Variants in ADK observed in about 807,000 individuals in gnomAD.
ADK encodes N6,N6-dimethyladenosine kinase.
Under a neutral mutation model 44.7 loss-of-function variants are expected in ADK, and 24 were observed. That is an observed-to-expected ratio of 0.54 (90% CI 0.39 to 0.76). The LOEUF is 0.76. Ranked by LOEUF, ADK falls within the 30% of genes least tolerant of loss-of-function variation. The probability of loss-of-function intolerance (pLI) is 0.00; values close to 1 mark genes in which losing one functional copy is unlikely to be tolerated. For synonymous variants in ADK, 128 were observed against 142.6 expected, an observed-to-expected ratio of 0.90 and a Z score of 0.73; for missense variants, 321 against 425.1, an observed-to-expected ratio of 0.76 and a Z score of 2.15.
chr10:74,269,134 T>G (rs1234704122), intron 3 of ADK, among the ~76,000 whole-genome samples: 1 of 152,192 alleles, frequency 6.6e-6, no homozygotes, highest in Non-Finnish European at 1.5e-5. Context: ...TTGCTTGTAT[T>G]TATCATAATT....
At chr10:74,259,651 G>T (rs369165336) in intron 3 of ADK, among the ~76,000 whole-genome samples, 10 of 151,704 alleles carry the variant, frequency 6.6e-5, no homozygotes, top group African/African-American at 2.2e-4. Context: ...TAGAGACGGG[G>T]TTTCACCATG....
intron 9 of ADK, among the ~76,000 whole-genome samples, chr10:74,617,862 G>T (rs1016208498): frequency 3.9e-5 from 6 of 152,166 alleles, no homozygotes; most frequent in Non-Finnish European, 7.4e-5. Context: ...ATAGTGCGGG[G>T]ATTACAGGTG....
chr10:74,338,522 C>T (rs1841484412), intron 4 of ADK, among the ~76,000 whole-genome samples: 1 of 152,134 alleles, frequency 6.6e-6, no homozygotes, highest in African/African-American at 2.4e-5. Flanking sequence ...ATCCAGATAA[C>T]TTTCAACAGG....
intron 6 of ADK, among the ~76,000 whole-genome samples, chr10:74,428,937 A>G (rs1449351395): frequency 1.3e-5 from 2 of 152,244 alleles, no homozygotes; most frequent in South Asian, 2.1e-4. Context: ...TTTCTGGCCC[A>G]GAATGCATCT....
intron 4 of ADK, among the ~76,000 whole-genome samples, chr10:74,349,851 C>T (rs1841907253): frequency 6.6e-6 from 1 of 152,094 alleles, no homozygotes; most frequent in Non-Finnish European, 1.5e-5. Flanking sequence ...GGGATCAATG[C>T]AACAAGAAGA....
chr10:74,306,135 C>T (rs1485102973), intron 3 of ADK, among the ~76,000 whole-genome samples: 1 of 150,846 alleles, frequency 6.6e-6, no homozygotes, highest in Non-Finnish European at 1.5e-5. Context: ...AGTCTTTTTT[C>T]ATTTTTTAAA....
intron 6 of ADK, among the ~76,000 whole-genome samples, chr10:74,476,662 C>T (rs1271336790): frequency 2.6e-5 from 4 of 152,150 alleles, no homozygotes; most frequent in Non-Finnish European, 2.9e-5. Context: ...AAGTTTATTT[C>T]ATACATATTT....
At chr10:74,338,586 A>G (rs1014568607) in intron 4 of ADK, among the ~76,000 whole-genome samples, 4 of 152,244 alleles carry the variant, frequency 2.6e-5, no homozygotes, top group African/African-American at 9.6e-5. Flanking sequence ...CAAGCTTTGT[A>G]AAAGAATAAA....
At chr10:74,380,470 GTTC>G (rs1192285107) in intron 4 of ADK, among the ~76,000 whole-genome samples, 1 of 152,050 alleles carries the variant, frequency 6.6e-6, no homozygotes, top group Non-Finnish European at 1.5e-5. Context: ...GAGAAGAATA[GTTC>G]TTCTCCGGGC....
At chr10:74,681,549 A>C (rs766561528) in intron 10 of ADK, among the ~76,000 whole-genome samples, 1 of 152,190 alleles carries the variant, frequency 6.6e-6, no homozygotes, top group South Asian at 2.1e-4. Context: ...AATCCAAATG[A>C]AAGTTGTCAG....
intron 6 of ADK, among the ~76,000 whole-genome samples, chr10:74,417,020 T>A (rs1242744509): frequency 6.6e-6 from 1 of 152,098 alleles, no homozygotes; most frequent in Non-Finnish European, 1.5e-5. Flanking sequence ...AATATTTTAC[T>A]TACTAAAGTC....
At chr10:74,176,992 C>A in intron 1 of ADK, 1 of 1,477,464 alleles carries the variant, frequency 6.8e-7, no homozygotes, top group Non-Finnish European at 9.2e-7. Context: ...CTGCCTCCGC[C>A]TCTGGTCCCC....
intron 10 of ADK, among the ~76,000 whole-genome samples, chr10:74,674,891 A>AATTC: frequency 6.6e-6 from 1 of 151,620 alleles, no homozygotes; most frequent in Admixed American, 6.6e-5. Flanking sequence ...CAAAAAAATT[A>AATTC]ATTAATTAAT....
At chr10:74,576,645 T>G (rs988458250) in intron 7 of ADK, among the ~76,000 whole-genome samples, 1 of 152,152 alleles carries the variant, frequency 6.6e-6, no homozygotes, top group Admixed American at 6.5e-5. Flanking sequence ...ATTTGTAGTA[T>G]TATTTATCAT....
Position 74,279,018 on chromosome 10 carries a change from C to T in ADK, c.195-35649C>T, listed in dbSNP as rs1192156155. Among the ~76,000 whole-genome samples the T allele has an allele frequency of 3.9e-5, 6 of 152,292 alleles. No homozygotes were observed. The East Asian group carries it at 5.8e-4, about 15-fold the overall frequency. ...GAGGCCAGCTGGGCGCGGTGGCTCA[C>T]GCCTGTAATCCCAGCACTTTGGGAG... On this transcript the variant is annotated intron_variant, in intron 3 of 10. Coordinates refer to ENST00000539909, the MANE Select transcript of ADK (RefSeq NM_006721.4).
chr10:74,652,023 A>C (rs1854291113), intron 9 of ADK, among the ~76,000 whole-genome samples: 1 of 151,794 alleles, frequency 6.6e-6, no homozygotes, highest in South Asian at 2.1e-4. Flanking sequence ...TTGGCTATGA[A>C]GGGATATGAA....
At chr10:74,403,151 C>T (rs1843777749) in intron 6 of ADK, among the ~76,000 whole-genome samples, 1 of 152,236 alleles carries the variant, frequency 6.6e-6, no homozygotes, top group South Asian at 2.1e-4. Flanking sequence ...TCTGTTGGCC[C>T]CTACTGGGAG....
intron 10 of ADK, among the ~76,000 whole-genome samples, chr10:74,694,207 T>C (rs1856094177): frequency 7.1e-6 from 1 of 140,956 alleles, no homozygotes; most frequent in Non-Finnish European, 1.5e-5. Flanking sequence ...AATGTACTTC[T>C]TGGATCTGAC....
intron 3 of ADK, among the ~76,000 whole-genome samples, chr10:74,225,736 A>G (rs1844510421): frequency 6.6e-6 from 1 of 152,172 alleles, no homozygotes; most frequent in African/African-American, 2.4e-5. Flanking sequence ...GCCTATCCTT[A>G]TTTGAGTATA....
Sources: allele counts gnomAD v4.1 joint callset (sites outside exome capture counted in the v4.1 genomes callset), GRCh38; gene constraint gnomAD v4.1.1; transcripts MANE v1.5; gene names NCBI Gene and HGNC (gene_info 2026-07-23, HGNC 2026-07-21).